GRIP1: variants seen among roughly 807,000 people sequenced by gnomAD.
GRIP1 encodes glutamate receptor-interacting protein 1.
Under a neutral mutation model 129.9 loss-of-function variants are expected in GRIP1, and 45 were observed. That is an observed-to-expected ratio of 0.35 (90% CI 0.27 to 0.44). GRIP1 has a LOEUF of 0.44. GRIP1 is among the 20% of genes least tolerant of loss of function. The probability of loss-of-function intolerance (pLI) is 1.00; values close to 1 mark genes in which losing one functional copy is unlikely to be tolerated. For synonymous variants in GRIP1, 530 were observed against 520.8 expected (o/e 1.02, Z -0.24); for missense variants, 1,196 against 1,396.8 (o/e 0.86, Z 2.29).
At chr12:66,729,613 G>A (rs1377180770) in intron 1 of GRIP1, among the ~76,000 whole-genome samples, 1 of 152,032 alleles carries the variant, frequency 6.6e-6, no homozygotes, top group Non-Finnish European at 1.5e-5. Flanking sequence ...TTGCTCTGTT[G>A]CCCAGGCTGG....
chr12:66,548,415 T>A (rs773587618), intron 2 of GRIP1, among the ~76,000 whole-genome samples: 4 of 152,214 alleles, frequency 2.6e-5, no homozygotes, highest in Non-Finnish European at 4.4e-5. Context: ...CTGGCCTGCT[T>A]ATGTTCACAT....
intron 1 of GRIP1, among the ~76,000 whole-genome samples, chr12:66,837,769 C>T (rs551452073): frequency 1.3e-5 from 2 of 152,042 alleles, no homozygotes; most frequent in African/African-American, 2.4e-5. Flanking sequence ...AATGAGGATG[C>T]GAGCAAACAC....
Position 66,581,634 on chromosome 12 carries a change from C to T in GRIP1, c.136+15213G>A, listed in dbSNP as rs896539472. ...AGAGAATACTACAAACACCTCTACGCAAATAAACTAGAAAATCTAGAAGAA... is the reference window on the plus strand; with the variant it reads ...AGAGAATACTACAAACACCTCTACGTAAATAAACTAGAAAATCTAGAAGAA... On this transcript the variant is annotated intron_variant, in intron 2 of 24. Transcript: ENST00000359742. 1.8e-3 allele frequency among the ~76,000 whole-genome samples: 273 copies of T among 151,760 alleles called. 1 individual carries two copies. Among genetic ancestry groups the T allele is most frequent in the African/African-American group, 6.3e-3 (260 of 41,374 alleles).
At chr12:66,743,979 T>C (rs1565998974) in intron 1 of GRIP1, among the ~76,000 whole-genome samples, 2 of 152,202 alleles carry the variant, frequency 1.3e-5, no homozygotes, top group East Asian at 1.9e-4. Flanking sequence ...TCTATGATAA[T>C]AGTAATTTCT....
At chr12:66,747,597 C>T (rs1187074264) in intron 1 of GRIP1, among the ~76,000 whole-genome samples, 4 of 152,068 alleles carry the variant, frequency 2.6e-5, no homozygotes, top group Non-Finnish European at 5.9e-5. Context: ...CACAATAGCA[C>T]ACAAAGTAAG....
intron 2 of GRIP1, among the ~76,000 whole-genome samples, chr12:66,556,792 C>G (rs1007697071): frequency 1.3e-5 from 2 of 151,694 alleles, no homozygotes; most frequent in African/African-American, 4.8e-5. Flanking sequence ...TATTTGCAAG[C>G]CTTATGGTAA....
chr12:66,396,336 G>T (rs4417326), intron 16 of GRIP1, among the ~76,000 whole-genome samples: 1 of 152,162 alleles, frequency 6.6e-6, no homozygotes, highest in South Asian at 2.1e-4. Context: ...GAACCAGTGG[G>T]AAGTGTCCAT....
At chr12:66,374,938 C>T (rs746267381) in intron 22 of GRIP1, among the ~76,000 whole-genome samples, 1 of 152,034 alleles carries the variant, frequency 6.6e-6, no homozygotes, top group Non-Finnish European at 1.5e-5. Flanking sequence ...TTTTTAATTA[C>T]CTAGGATTTG....
In GRIP1 at chr12:67,050,358, G is replaced by GCTGGT. The variant is rs1565656199; in HGVS notation, c.58+18691_58+18692insACCAG. On this transcript the variant is annotated intron_variant, in intron 1 of 1. Coordinates refer to the GRIP1 transcript ENST00000643019. ...GAAATGAAGAAAAACAAAATAATTA[G>GCTGGT]ATTGATATAGGACCAGCTTTATAAA... is the stretch of plus-strand genomic sequence containing the variant. 4.2e-3 allele frequency among the ~76,000 whole-genome samples: 634 copies of GCTGGT among 152,176 alleles called. 1 individual carries two copies. The highest frequency in any genetic ancestry group is 0.014 in the African/African-American group (595 of 41,530).
rs79786837 is a variant in GRIP1, at chr12:66,481,227, C to CA, written c.725-15806dup. ...ACAAAGGGCTAATATCTAGAATCTA[C>CA]AAAAAAAAAAAAACAAATTCACAAG... On this transcript the variant is annotated intron_variant, in intron 7 of 24. Transcript: ENST00000359742. Among the ~76,000 whole-genome samples, 956 of 121,218 alleles carry CA rather than the reference C, an allele frequency of 7.9e-3. 6 individuals carry two copies. The highest frequency in any genetic ancestry group is 0.015 in the African/African-American group (497 of 34,106). 79.5% of individuals were successfully genotyped at this position (121,218 alleles called of 152,430 possible).
chr12:66,408,288 G>A (rs1399225042), intron 15 of GRIP1, among the ~76,000 whole-genome samples: 1 of 152,084 alleles, frequency 6.6e-6, no homozygotes, highest in Non-Finnish European at 1.5e-5. Context: ...AGACCATCCT[G>A]GCCAGCATGG....
intron 2 of GRIP1, chr12:66,570,812 G>A (rs113119271): frequency 2.6e-5 from 4 of 152,018 alleles, no homozygotes; most frequent in African/African-American, 7.2e-5. Context: ...AACTTGAGGC[G>A]GCACAAAACC....
At chr12:66,955,514 T>G (rs965411926) in intron 1 of GRIP1, among the ~76,000 whole-genome samples, 1 of 147,138 alleles carries the variant, frequency 6.8e-6, no homozygotes, top group African/African-American at 2.5e-5. Flanking sequence ...GTTTTTTTTT[T>G]TTTTTTTTTT....
chr12:66,911,763 T>C (rs1313799649), intron 1 of GRIP1, among the ~76,000 whole-genome samples: 1 of 152,146 alleles, frequency 6.6e-6, no homozygotes, highest in Admixed American at 6.6e-5. Flanking sequence ...ACAAGTATAT[T>C]GAAATATTTT....
chr12:67,007,479 C>T (rs951180026), intron 1 of GRIP1, among the ~76,000 whole-genome samples: 2 of 151,932 alleles, frequency 1.3e-5, no homozygotes, highest in Admixed American at 6.6e-5. Flanking sequence ...CTCCCCTCAT[C>T]CCCCCCAAAA....
At chr12:66,984,884 T>C (rs2042288816) in intron 1 of GRIP1, among the ~76,000 whole-genome samples, 1 of 152,236 alleles carries the variant, frequency 6.6e-6, no homozygotes. Context: ...GGTTTTAAAC[T>C]ACAGCAACCA....
At chr12:66,672,401 CT>C (rs2034124299) in intron 1 of GRIP1, among the ~76,000 whole-genome samples, 1 of 152,014 alleles carries the variant, frequency 6.6e-6, no homozygotes, top group African/African-American at 2.4e-5. Context: ...GCTTTTATTG[CT>C]TTTTGTAATG....
chr12:66,766,532 T>G (rs750443472), intron 1 of GRIP1, among the ~76,000 whole-genome samples: 2 of 152,198 alleles, frequency 1.3e-5, no homozygotes, highest in Non-Finnish European at 2.9e-5. Flanking sequence ...CACTGGGCCT[T>G]GGTCACCTTT....
intron 1 of GRIP1, among the ~76,000 whole-genome samples, chr12:66,733,470 C>T (rs2036502684): frequency 6.6e-6 from 1 of 152,166 alleles, no homozygotes; most frequent in South Asian, 2.1e-4. Flanking sequence ...GTAACTCTTT[C>T]CTTTGCCCTT....
Sources: allele counts gnomAD v4.1 joint callset (sites outside exome capture counted in the v4.1 genomes callset), GRCh38; gene constraint gnomAD v4.1.1; transcripts MANE v1.5; gene names NCBI Gene and HGNC (gene_info 2026-07-23, HGNC 2026-07-21).